CHERP: variants seen among roughly 807,000 people sequenced by gnomAD.
CHERP encodes the protein calcium homeostasis endoplasmic reticulum protein.
In CHERP, 8 loss-of-function variants were observed where a neutral mutation model predicts 113.8. The observed-to-expected ratio is 0.07, with a 90% CI of 0.04 to 0.13. CHERP has a LOEUF of 0.13. CHERP is among the 10% of genes least tolerant of loss of function. The pLI is 1.00. For missense variants in CHERP, 884 were observed against 1,298.2 expected (o/e 0.68, Z 4.90); for synonymous variants, 559 against 524.5 (o/e 1.07, Z -0.90).
At chr19:16,527,832 A>G (rs2085666830) in intron 9 of CHERP, among the ~76,000 whole-genome samples, 1 of 152,184 alleles carries the variant, frequency 6.6e-6, no homozygotes. Context: ...TCGCAGGACA[A>G]TGGTGATCTA....
Position 16,532,667 on chromosome 19 carries a change from G to A in CHERP, c.605C>T (p.Thr202Met), listed in dbSNP as rs1369933907. 4.3e-6 allele frequency: 7 copies of A among 1,613,350 alleles called. No homozygotes were observed. Among genetic ancestry groups the A allele is most frequent in the South Asian group, 2.2e-5 (2 of 91,088 alleles). ...CAGCTCGAAGTGTGCCCCATCAGCCGTGATGCGGTTCCGGAGGTGGCCGGC... is the reference window on the plus strand; with the variant it reads ...CAGCTCGAAGTGTGCCCCATCAGCCATGATGCGGTTCCGGAGGTGGCCGGC... ...LMAGHLRNRITADGAHFELRL... is the reference protein window; with the variant it reads ...LMAGHLRNRIMADGAHFELRL... The change falls in exon 5 of 17, where the codon ACG becomes ATG. Residue 202 changes from threonine to methionine, a missense_variant. Thr to Met is a moderately conservative substitution (Grantham distance 81). Coordinates refer to ENST00000546361, the MANE Select transcript of CHERP (RefSeq NM_006387.6). The surrounding 1 kb of genome is among the most constrained non-coding windows in gnomAD (Gnocchi z 4.4).
At chr19:16,537,390 G>C (rs1568264490) in intron 2 of CHERP, among the ~76,000 whole-genome samples, 1 of 152,024 alleles carries the variant, frequency 6.6e-6, no homozygotes, top group Non-Finnish European at 1.5e-5. Flanking sequence ...CGGGCAACAT[G>C]AGCTACTCAT....
chr19:16,529,579 G>A, intron 8 of CHERP, 69 bp downstream of exon 8: 1 of 1,499,290 alleles, frequency 6.7e-7, no homozygotes, highest in South Asian at 1.3e-5. Context: ...ACTGCTTTCT[G>A]ACTACACTCG....
rs991793969 is a variant in CHERP, at chr19:16,535,899, G to A, written c.200-263C>T. ...TAGGAAGTCCCCTGGCCGCTCTCTC[G>A]CCAGCACCATCCAGTCCTTGCGCAG... On this transcript the variant is annotated intron_variant, in intron 2 of 16. Transcript: ENST00000546361. The surrounding 1 kb of genome is among the most constrained non-coding windows in gnomAD (Gnocchi z 4.3). Among the ~76,000 whole-genome samples the A allele has an allele frequency of 2.6e-5, 4 of 152,200 alleles. No homozygotes were observed. Among genetic ancestry groups the A allele is most frequent in the African/African-American group, 4.8e-5 (2 of 41,532 alleles).
chr19:16,529,710 G>A lies in CHERP; in HGVS notation c.1067C>T (p.Pro356Leu), dbSNP rs1314109893. ...QMEAEVKATP[P>L]PPAPPPAPAP... Reference sequence around the variant, plus strand: ...TGGGGCCGGGGGTGGAGCAGGCGGTGGAGGCGTGGCCTTGACTTCAGCCTC... The same window carrying A: ...TGGGGCCGGGGGTGGAGCAGGCGGTAGAGGCGTGGCCTTGACTTCAGCCTC... Residue 356 changes from proline to leucine, a missense_variant, in exon 8 of 17, where the codon CCA (proline) becomes CTA (leucine). Transcript: ENST00000546361. The A allele has an allele frequency of 6.3e-7, 1 of 1,595,510 alleles. No individual in the cohort carries two copies. Among genetic ancestry groups the A allele is most frequent in the African/African-American group, 1.3e-5 (1 of 74,828 alleles).
rs762120150 is a variant in CHERP, at chr19:16,532,746, C to T, written c.526G>A (p.Gly176Arg). 1 of 1,605,562 alleles carries T rather than the reference C, an allele frequency of 6.2e-7. No homozygotes were observed. ...DTCTKDAISA[G>R]KNWMFSNAKS... ...GCATTGCTGAACATCCAGTTCTTCC[C>T]GGCCTGCAACAACCGAGCCAATGAC... is the stretch of plus-strand genomic sequence containing the variant. Residue 176 changes from glycine (G) to arginine (R), a missense_variant, in exon 5 of 17, where the codon GGG (glycine) becomes AGG (arginine). This residue lies in a region of CHERP where 73 missense variants were observed against 182.4 expected (regional missense o/e 0.40). Coordinates refer to ENST00000546361, the MANE Select transcript of CHERP (RefSeq NM_006387.6). This position sits in a 1 kb window ranked among gnomAD's most constrained non-coding sequence, Gnocchi z 4.4.
rs370402073 is a variant in CHERP at position 16,519,136 on chromosome 19, G to A, written c.*23C>T. The A allele has an allele frequency of 2.2e-5, 35 of 1,602,600 alleles. No homozygotes were observed. Among genetic ancestry groups the A allele is most frequent in the Middle Eastern group, 3.3e-4 (2 of 6,048 alleles). Reference sequence around the variant, plus strand: ...CCCACAGCCGGCACCGCTGGCCACCGGCGCGGCTCCCGGCATGGGCGCCTA... The same window carrying A: ...CCCACAGCCGGCACCGCTGGCCACCAGCGCGGCTCCCGGCATGGGCGCCTA... On this transcript the variant is annotated 3_prime_UTR_variant, in exon 17 of 17. Transcript: ENST00000546361. This position sits in a 1 kb window ranked among gnomAD's most constrained non-coding sequence, Gnocchi z 6.0.
rs1227110421 is a variant in CHERP at position 16,532,769 on chromosome 19, G to A, written c.523-20C>T. On this transcript the variant is annotated intron_variant, in intron 4 of 16. Transcript: ENST00000546361. The surrounding 1 kb of genome is among the most constrained non-coding windows in gnomAD (Gnocchi z 4.4). ...CCCGGCCTGCAACAACCGAGCCAAT[G>A]ACGAGTGAGCAGGGCCGCGGCTCCC... 1 of 1,599,168 alleles carries A rather than the reference G, an allele frequency of 6.3e-7. No homozygotes were observed. Among genetic ancestry groups the A allele is most frequent in the Non-Finnish European group, 8.6e-7 (1 of 1,169,566 alleles).
Position 16,520,698 on chromosome 19 carries a change from G to T in CHERP, c.2201+128C>A. ...GCTGCTGTGTGAATTCAGGCCTTGT[G>T]GAAAACACCGCCCCATAGGCACAGG... On this transcript the variant is annotated intron_variant, in intron 13 of 16. Coordinates refer to ENST00000546361, the MANE Select transcript of CHERP (RefSeq NM_006387.6). This position sits in a 1 kb window ranked among gnomAD's most constrained non-coding sequence, Gnocchi z 4.0. The T allele has an allele frequency of 8.5e-7, 1 of 1,171,930 alleles. No homozygotes were observed. The highest frequency in any genetic ancestry group is 1.3e-6 in the Non-Finnish European group (1 of 798,278). 72.6% of individuals were successfully genotyped at this position (1,171,930 alleles called of 1,614,324 possible). A position where few individuals can be genotyped will look rare whatever the true frequency, so the allele number is the denominator to read the frequency against.
Position 16,523,415 on chromosome 19 carries a change from C to A in CHERP, c.1742-125G>T. Reference sequence around the variant, plus strand: ...CCCCTCCTGGGAGCCTGTCCAGCATCTTCTCTCACTGCTTAAGACCAGGCA... The same window carrying A: ...CCCCTCCTGGGAGCCTGTCCAGCATATTCTCTCACTGCTTAAGACCAGGCA... On this transcript the variant is annotated intron_variant, in intron 10 of 16. Coordinates refer to ENST00000546361, the MANE Select transcript of CHERP (RefSeq NM_006387.6). This position sits in a 1 kb window ranked among gnomAD's most constrained non-coding sequence, Gnocchi z 4.0. 9.2e-7 allele frequency: 1 copy of A among 1,091,662 alleles called. No individual in the cohort carries two copies. The highest frequency in any genetic ancestry group is 1.3e-6 in the Non-Finnish European group (1 of 753,838). 67.6% of individuals were successfully genotyped at this position (1,091,662 alleles called of 1,614,324 possible). A position where few individuals can be genotyped will look rare whatever the true frequency, so the allele number is the denominator to read the frequency against.
chr19:16,530,300 C>T lies in CHERP; in HGVS notation c.876+285G>A, dbSNP rs182673855. ...CCACGTCTGGGCTTCCTCATGCTTC[C>T]ACCACACCGGAACATGCCTGACCAC... On this transcript the variant is annotated intron_variant, in intron 7 of 16. Transcript: ENST00000546361. This position sits in a 1 kb window ranked among gnomAD's most constrained non-coding sequence, Gnocchi z 4.1. Among the ~76,000 whole-genome samples, 3 of 152,344 alleles carry T rather than the reference C, an allele frequency of 2.0e-5. No individual in the cohort carries two copies. The East Asian group carries it at 5.8e-4, about 29-fold the overall frequency.
chr19:16,530,023 C>A lies in CHERP; in HGVS notation c.877-123G>T. 1.5e-6 allele frequency: 2 copies of A among 1,303,804 alleles called. No homozygotes were observed. Among genetic ancestry groups the A allele is most frequent in the South Asian group, 1.4e-5 (1 of 70,150 alleles). 80.8% of individuals were successfully genotyped at this position (1,303,804 alleles called of 1,614,324 possible). ...GACCTGGGGCAGGTGGACAGGGAAC[C>A]GTCACGTGAAACAGCCAACACAGTC... On this transcript the variant is annotated intron_variant, in intron 7 of 16. Coordinates refer to ENST00000546361, the MANE Select transcript of CHERP (RefSeq NM_006387.6). This position sits in a 1 kb window ranked among gnomAD's most constrained non-coding sequence, Gnocchi z 4.1.
chr19:16,533,224 AG>A, intron 3 of CHERP, 76 bp from the exon 4 acceptor site: 1 of 1,460,840 alleles, frequency 6.8e-7, no homozygotes, highest in Non-Finnish European at 9.2e-7. Context: ...CTGGCTCAGC[AG>A]GGGCGGGGTG....
rs2085733940 is a variant in CHERP at position 16,535,346 on chromosome 19, G to A, written c.384+106C>T. 2 of 1,231,470 alleles carry A rather than the reference G, an allele frequency of 1.6e-6. No homozygotes were observed. The highest frequency in any genetic ancestry group is 1.5e-5 in the African/African-American group (1 of 66,898). 76.3% of individuals were successfully genotyped at this position (1,231,470 alleles called of 1,614,324 possible). On this transcript the variant is annotated intron_variant, in intron 3 of 16. Coordinates refer to ENST00000546361, the MANE Select transcript of CHERP (RefSeq NM_006387.6). This position sits in a 1 kb window ranked among gnomAD's most constrained non-coding sequence, Gnocchi z 4.3. ...TGCACCGAGCCCTGGGTGGCAGGGG[G>A]GGCCCTGTCCTCACTGACACCTGTT... is the stretch of plus-strand genomic sequence containing the variant.
chr19:16,525,440 G>T lies in CHERP; in HGVS notation c.1543C>A (p.Arg515Ser). 1 of 1,540,156 alleles carries T rather than the reference G, an allele frequency of 6.5e-7. No individual in the cohort carries two copies. Among genetic ancestry groups the T allele is most frequent in the Non-Finnish European group, 8.8e-7 (1 of 1,142,518 alleles). Reference protein sequence around the residue: ...WGGGQREPPFRMQRPPHFRGP... With the variant: ...WGGGQREPPFSMQRPPHFRGP... ...CGGAAGTGTGGGGGCCGCTGCATGC[G>T]GAAGGGTGGCTCGCGCTGGCCCCCG... The change falls in exon 10 of 17, where the codon CGC becomes AGC. Residue 515 changes from arginine (R) to serine (S), a missense_variant. By Grantham distance (110) the Arg-to-Ser change is moderately radical (BLOSUM62 -1). This residue lies in a region of CHERP where 464 missense variants were observed against 590.1 expected (regional missense o/e 0.79). Coordinates refer to ENST00000546361, the MANE Select transcript of CHERP (RefSeq NM_006387.6). This position sits in a 1 kb window ranked among gnomAD's most constrained non-coding sequence, Gnocchi z 6.5.
rs541229753 is a variant in CHERP, at chr19:16,530,716, G to C, written c.787-42C>G. On this transcript the variant is annotated intron_variant, in intron 6 of 16. Coordinates refer to ENST00000546361, the MANE Select transcript of CHERP (RefSeq NM_006387.6). The surrounding 1 kb of genome is among the most constrained non-coding windows in gnomAD (Gnocchi z 4.1). ...AGAGAGGCCGGGTCAGTGGGGAGGG[G>C]AAAGGCCTGTGTGTCCCGGTCTTGC... 1.2e-5 allele frequency: 20 copies of C among 1,613,854 alleles called. No individual in the cohort carries two copies. In the South Asian group the frequency reaches 2.1e-4, roughly 17 times the overall value.
At position 16,525,277 on chromosome 19, in the gene CHERP, T is replaced by C. The variant is rs1327711876; in HGVS notation, c.1706A>G (p.His569Arg). Residue 569 changes from histidine (H) to arginine (R), a missense_variant, in exon 10 of 17, where the codon CAC becomes CGC. His to Arg is a conservative substitution (Grantham distance 29). Coordinates refer to ENST00000546361, the MANE Select transcript of CHERP (RefSeq NM_006387.6). This position sits in a 1 kb window ranked among gnomAD's most constrained non-coding sequence, Gnocchi z 6.5. ...GTCCCCCTGGGGGTAGTCGAAGCGG[T>C]GGGGATAGGGCGGCCGCTCGAAGGG... is the stretch of plus-strand genomic sequence containing the variant. ...RHPFERPPYP[H>R]RFDYPQGDFP... 1 of 1,433,526 alleles carries C rather than the reference T, an allele frequency of 7.0e-7. No individual in the cohort carries two copies. The highest frequency in any genetic ancestry group is 9.2e-7 in the Non-Finnish European group (1 of 1,091,576). 88.8% of individuals were successfully genotyped at this position (1,433,526 alleles called of 1,614,324 possible). A position where few individuals can be genotyped will look rare whatever the true frequency, so the allele number is the denominator to read the frequency against.
At chr19:16,522,424 A>G (rs971443724) in intron 11 of CHERP, among the ~76,000 whole-genome samples, 3 of 152,006 alleles carry the variant, frequency 2.0e-5, no homozygotes, top group South Asian at 4.1e-4. Flanking sequence ...ACGCCTGGCT[A>G]ATTTTTTGTA....
intron 7 of CHERP, 68 bp from the exon 8 acceptor site, chr19:16,529,968 C>T: frequency 6.5e-7 from 1 of 1,540,596 alleles, no homozygotes; most frequent in Non-Finnish European, 8.8e-7. Context: ...CGCCAGAGGA[C>T]AAACGCCTGG....
Sources: gnomAD v4.1 joint callset for allele counts (sites outside exome capture counted in the v4.1 genomes callset) on GRCh38, gnomAD v4.1.1 for gene constraint, gnomAD v4.1.1 regional missense constraint, Gnocchi (gnomAD v3.1) non-coding constraint, MANE v1.5 for transcripts, NCBI Gene and HGNC (gene_info 2026-07-23, HGNC 2026-07-21) for gene names.